The following RAB27A variants were observed in gnomAD, a reference collection of about 807,000 sequenced individuals.
The protein encoded by RAB27A is ras-related protein Rab-27A.
In RAB27A, 17 loss-of-function variants were observed where a neutral mutation model predicts 20.8. The observed-to-expected ratio is 0.82, with a 90% CI of 0.56 to 1.23. The LOEUF (loss-of-function observed/expected upper bound fraction) is 1.23, where lower values mean the gene tolerates loss of function less well. Ranked by LOEUF, RAB27A falls within the 50% of genes most tolerant of loss-of-function variation. The pLI is 0.00. For missense variants in RAB27A, 277 were observed against 266.7 expected (o/e 1.04, Z -0.27); for synonymous variants, 85 against 92.8 (o/e 0.92, Z 0.48).
intron 4 of RAB27A, among the ~76,000 whole-genome samples, chr15:55,229,857 A>G (rs58708905): frequency 0.047 from 7,227 of 152,228 alleles, 601 homozygotes; most frequent in African/African-American, 0.17. Context: ...ATGGGTACAT[A>G]GGTTTATCAT....
chr15:55,266,812 C>CT (rs1317049411), intron 2 of RAB27A, among the ~76,000 whole-genome samples: 2 of 152,218 alleles, frequency 1.3e-5, no homozygotes, highest in African/African-American at 4.8e-5. Context: ...CCACATTACA[C>CT]TGTACGGTAC....
chr15:55,293,174 C>G (rs1314108126), upstream of RAB27A, among the ~76,000 whole-genome samples: 1 of 151,942 alleles, frequency 6.6e-6, no homozygotes, highest in Admixed American at 6.6e-5. Flanking sequence ...TGGATGGAAT[C>G]AGTAAGAATT....
At chr15:55,272,861 G>T (rs1394254719) in intron 1 of RAB27A, among the ~76,000 whole-genome samples, 1 of 152,066 alleles carries the variant, frequency 6.6e-6, no homozygotes, top group Non-Finnish European at 1.5e-5. Context: ...AATCCAAGAA[G>T]GAACTCATCA....
intron 2 of RAB27A, among the ~76,000 whole-genome samples, chr15:55,261,380 G>C (rs891785714): frequency 1.3e-5 from 2 of 151,538 alleles, no homozygotes; most frequent in Non-Finnish European, 2.9e-5. Context: ...CTGGGTGACA[G>C]AGTTAGACTC....
chr15:55,282,734 A>G (rs1204714082), intron 1 of RAB27A, among the ~76,000 whole-genome samples: 2 of 152,168 alleles, frequency 1.3e-5, no homozygotes, highest in East Asian at 1.9e-4. Context: ...GAAGCACACA[A>G]TAGACAGGCA....
intron 2 of RAB27A, among the ~76,000 whole-genome samples, chr15:55,252,581 G>A (rs1051887951): frequency 1.3e-5 from 2 of 152,186 alleles, no homozygotes; most frequent in African/African-American, 4.8e-5. Flanking sequence ...CAGCCTGGGC[G>A]ACAGAGTGAG....
At position 55,224,021 on chromosome 15, in the gene RAB27A, A is replaced by G. The variant is rs892341511; in HGVS notation, c.344-9T>C. The G allele has an allele frequency of 2.6e-6, 4 of 1,550,606 alleles. No individual in the cohort carries two copies. The highest frequency in any genetic ancestry group is 3.6e-6 in the Non-Finnish European group (4 of 1,123,418). On this transcript the variant is annotated splice_polypyrimidine_tract_variant and intron_variant, in intron 5 of 6. Transcript: ENST00000336787. ...ATGCATCTGTAGCTGGCCTATTAAT[A>G]TAAGAAAGTTTATTATATATGTAAA...
At chr15:55,306,373 G>A (rs1238970838) in intron 2 of RAB27A, among the ~76,000 whole-genome samples, 5 of 152,132 alleles carry the variant, frequency 3.3e-5, no homozygotes, top group Non-Finnish European at 5.9e-5. Context: ...CAGTGAGGGT[G>A]GTATTAAATA....
At chr15:55,300,361 C>A (rs1049811638) in intron 2 of RAB27A, among the ~76,000 whole-genome samples, 33 of 152,046 alleles carry the variant, frequency 2.2e-4, no homozygotes, top group Admixed American at 1.5e-3. Context: ...CAAACAGATA[C>A]GGTATTCTGA....
At chr15:55,310,876 C>G (rs1395453558) in intron 2 of RAB27A, among the ~76,000 whole-genome samples, 1 of 152,172 alleles carries the variant, frequency 6.6e-6, no homozygotes, top group Non-Finnish European at 1.5e-5. Flanking sequence ...TTCCTCAATG[C>G]CTCCCTTAGT....
At chr15:55,269,233 G>A (rs62018096) in intron 2 of RAB27A, among the ~76,000 whole-genome samples, 2 of 152,240 alleles carry the variant, frequency 1.3e-5, no homozygotes, top group African/African-American at 4.8e-5. Flanking sequence ...ACAATATCCA[G>A]AAGTAGAATT....
intron 2 of RAB27A, among the ~76,000 whole-genome samples, chr15:55,256,134 G>C (rs567638417): frequency 1.3e-5 from 2 of 152,324 alleles, no homozygotes; most frequent in Admixed American, 6.5e-5. Flanking sequence ...GGAGCAATCT[G>C]TCGGGCATGG....
chr15:55,236,980 C>G (rs1457991631), intron 2 of RAB27A, among the ~76,000 whole-genome samples: 1 of 152,088 alleles, frequency 6.6e-6, no homozygotes, highest in African/African-American at 2.4e-5. Flanking sequence ...TACACATTAA[C>G]CAACCTCTCT....
chr15:55,262,088 A>G (rs763613913), intron 2 of RAB27A, among the ~76,000 whole-genome samples: 6 of 152,004 alleles, frequency 3.9e-5, no homozygotes, highest in Non-Finnish European at 7.4e-5. Context: ...GATATTGTAC[A>G]TCTTTCAACT....
intron 6 of RAB27A, among the ~76,000 whole-genome samples, chr15:55,216,504 C>T (rs1285730993): frequency 6.6e-6 from 1 of 151,880 alleles, no homozygotes; most frequent in African/African-American, 2.4e-5. Context: ...TGCACTCCAG[C>T]CTGAGCAACA....
At chr15:55,235,023 G>C in intron 2 of RAB27A, 67 bp from the exon 3 acceptor site, 1 of 1,299,230 alleles carries the variant, frequency 7.7e-7, no homozygotes, top group Non-Finnish European at 1.1e-6. Flanking sequence ...CATTTAAAAA[G>C]TGACAACAAT....
At chr15:55,316,189 T>G (rs1362305321) in intron 1 of RAB27A, among the ~76,000 whole-genome samples, 1 of 146,356 alleles carries the variant, frequency 6.8e-6, no homozygotes, top group Non-Finnish European at 1.5e-5. Flanking sequence ...AAACCAATAT[T>G]GCGCCACTGC....
At position 55,251,018 on chromosome 15, in the gene RAB27A, A is replaced by G. The variant is rs116487395; in HGVS notation, c.-22-16062T>C. On this transcript the variant is annotated intron_variant, in intron 2 of 6. Coordinates refer to ENST00000336787, the MANE Select transcript of RAB27A (RefSeq NM_183235.3). ...ACATAAGAAGAATCTCACTGTACACATTTAGAAAATCATTGCAGAAAGGTC... is the reference window on the plus strand; with the variant it reads ...ACATAAGAAGAATCTCACTGTACACGTTTAGAAAATCATTGCAGAAAGGTC... Among the ~76,000 whole-genome samples, 179 of 152,346 alleles carry G rather than the reference A, an allele frequency of 1.2e-3. 1 individual carries two copies. The highest frequency in any genetic ancestry group is 4.2e-3 in the African/African-American group (174 of 41,586).
chr15:55,262,403 G>A (rs552540965), intron 2 of RAB27A, among the ~76,000 whole-genome samples: 8 of 151,588 alleles, frequency 5.3e-5, no homozygotes, highest in Non-Finnish European at 7.4e-5. Flanking sequence ...TTAGCCGGGC[G>A]TGGTGGTAGG....
Sources: allele counts gnomAD v4.1 joint callset (sites outside exome capture counted in the v4.1 genomes callset), GRCh38; gene constraint gnomAD v4.1.1; transcripts MANE v1.5; gene names NCBI Gene and HGNC (gene_info 2026-07-23, HGNC 2026-07-21).